KCNK13: variants seen among roughly 807,000 people sequenced by gnomAD.
The protein encoded by KCNK13 is potassium channel subfamily K member 13.
A neutral mutation model predicts 23.4 loss-of-function variants in KCNK13; 12 were observed. The observed-to-expected ratio is 0.51, with a 90% confidence interval of 0.33 to 0.83. The LOEUF is 0.83. Among genes scored for constraint, KCNK13 ranks in the 40% least tolerant of loss-of-function variants. The pLI is 0.02. For synonymous variants in KCNK13, 231 were observed against 229.5 expected, an observed-to-expected ratio of 1.01 and a Z score of -0.06; for missense variants, 463 against 556.3, an observed-to-expected ratio of 0.83 and a Z score of 1.69.
chr14:90,101,874 A>G (rs1367779637), intron 1 of KCNK13, among the ~76,000 whole-genome samples: 1 of 149,388 alleles, frequency 6.7e-6, no homozygotes, highest in Non-Finnish European at 1.5e-5. Context: ...TCCCCCGAAA[A>G]CCTATGGAAA....
chr14:90,155,413 C>A (rs973521399), intron 1 of KCNK13, among the ~76,000 whole-genome samples: 1 of 152,114 alleles, frequency 6.6e-6, no homozygotes, highest in Non-Finnish European at 1.5e-5. Context: ...TTGGTTTTCA[C>A]ACCAGGTGAA....
intron 1 of KCNK13, among the ~76,000 whole-genome samples, chr14:90,086,596 T>G (rs1244111854): frequency 2.0e-5 from 3 of 152,214 alleles, no homozygotes; most frequent in Non-Finnish European, 4.4e-5. Flanking sequence ...TGCAGGCTAT[T>G]GCTTTGAAGA....
At chr14:90,164,938 G>A (rs139214954) in intron 1 of KCNK13, among the ~76,000 whole-genome samples, 113 of 152,104 alleles carry the variant, frequency 7.4e-4, no homozygotes, top group Middle Eastern at 6.8e-3. Flanking sequence ...TGTTCATTTC[G>A]CATACCCCTT....
At chr14:90,084,810 A>C (rs1889253287) in intron 1 of KCNK13, among the ~76,000 whole-genome samples, 1 of 152,140 alleles carries the variant, frequency 6.6e-6, no homozygotes, top group South Asian at 2.1e-4. Context: ...TAGTGTGTTG[A>C]ATGTTTTTAT....
chr14:90,068,268 A>G (rs1445689394), intron 1 of KCNK13, among the ~76,000 whole-genome samples: 1 of 152,096 alleles, frequency 6.6e-6, no homozygotes, highest in Non-Finnish European at 1.5e-5. Context: ...CTTTGTGGCA[A>G]GTTGCAGAAG....
intron 1 of KCNK13, among the ~76,000 whole-genome samples, chr14:90,155,207 A>G (rs1316845467): frequency 6.6e-6 from 1 of 152,146 alleles, no homozygotes; most frequent in Non-Finnish European, 1.5e-5. Flanking sequence ...AAGAGGTGAA[A>G]GGATGAGGCT....
intron 1 of KCNK13, among the ~76,000 whole-genome samples, chr14:90,150,333 G>A (rs1455453455): frequency 6.6e-6 from 1 of 151,906 alleles, no homozygotes; most frequent in Non-Finnish European, 1.5e-5. Flanking sequence ...GTAATATCTG[G>A]GCCAGGTGTA....
intron 1 of KCNK13, among the ~76,000 whole-genome samples, chr14:90,141,620 G>A (rs1009096165): frequency 1.3e-5 from 2 of 152,108 alleles, no homozygotes; most frequent in Admixed American, 6.6e-5. Context: ...ACCACACCTG[G>A]CTAATTTTGG....
intron 1 of KCNK13, among the ~76,000 whole-genome samples, chr14:90,165,146 A>C (rs1890289556): frequency 6.6e-6 from 1 of 152,158 alleles, no homozygotes; most frequent in African/African-American, 2.4e-5. Context: ...TATCACAATA[A>C]CAACCCAGGA....
intron 1 of KCNK13, among the ~76,000 whole-genome samples, chr14:90,095,004 T>C (rs1024166706): frequency 6.6e-6 from 1 of 152,196 alleles, no homozygotes; most frequent in Non-Finnish European, 1.5e-5. Flanking sequence ...TTGTCCCAAA[T>C]TGTTTTTATC....
intron 1 of KCNK13, among the ~76,000 whole-genome samples, chr14:90,130,215 T>TATTTA (rs1555403401): frequency 1.3e-5 from 2 of 151,548 alleles, no homozygotes; most frequent in African/African-American, 2.4e-5. Flanking sequence ...TTTATTTATT[T>TATTTA]TTCAGACAGG....
chr14:90,087,883 C>A (rs1288509757), intron 1 of KCNK13, among the ~76,000 whole-genome samples: 1 of 152,232 alleles, frequency 6.6e-6, no homozygotes, highest in Non-Finnish European at 1.5e-5. Context: ...TAGCCCACCA[C>A]CTACCCTGTG....
At chr14:90,122,191 T>C (rs1189665325) in intron 1 of KCNK13, among the ~76,000 whole-genome samples, 1 of 152,204 alleles carries the variant, frequency 6.6e-6, no homozygotes, top group African/African-American at 2.4e-5. Context: ...CAGTTATATA[T>C]AATGCTATAA....
chr14:90,185,150 C>A lies in KCNK13; in HGVS notation c.*147C>A. The A allele has an allele frequency of 1.5e-6, 1 of 657,234 alleles. No homozygotes were observed. The highest frequency in any genetic ancestry group is 2.4e-6 in the Non-Finnish European group (1 of 415,568). The allele number at this position is 657,234 out of a possible 1,614,324, so 40.7% of individuals were successfully genotyped here. ...GCAAGCATCTTTAGAAATCTGATCT[C>A]GGCTCCAACCAACAGCCACCTTCCA... On this transcript the variant is annotated 3_prime_UTR_variant, in exon 2 of 2. Coordinates refer to ENST00000282146, the MANE Select transcript of KCNK13 (RefSeq NM_022054.4).
Position 90,062,049 on chromosome 14 carries a change from T to A in KCNK13, c.-157T>A. 1 of 439,080 alleles carries A rather than the reference T, an allele frequency of 2.3e-6. No homozygotes were observed. The highest frequency in any genetic ancestry group is 3.8e-6 in the Non-Finnish European group (1 of 263,366). The allele number at this position is 439,080 out of a possible 1,614,324, so 27.2% of individuals were successfully genotyped here. A position where few individuals can be genotyped will look rare whatever the true frequency, so the allele number is the denominator to read the frequency against. Reference sequence around the variant, plus strand: ...TACCGAGGCGGCGGCCGGGGGAGCCTCGCGGCCTGCGGGAGAGCCCGGCGG... The same window carrying A: ...TACCGAGGCGGCGGCCGGGGGAGCCACGCGGCCTGCGGGAGAGCCCGGCGG... On this transcript the variant is annotated 5_prime_UTR_variant, in exon 1 of 2. Transcript: ENST00000282146. The surrounding 1 kb of genome is among the most constrained non-coding windows in gnomAD (Gnocchi z 4.5).
intron 1 of KCNK13, among the ~76,000 whole-genome samples, chr14:90,168,418 T>C (rs1254030825): frequency 6.6e-6 from 1 of 152,004 alleles, no homozygotes; most frequent in Admixed American, 6.6e-5. Flanking sequence ...CCCAGAGATA[T>C]TGTTATCCTT....
At chr14:90,133,257 T>C (rs911134995) in intron 1 of KCNK13, among the ~76,000 whole-genome samples, 9 of 152,178 alleles carry the variant, frequency 5.9e-5, no homozygotes, top group African/African-American at 2.2e-4. Context: ...AAAAACATTA[T>C]GCTGAGTGAA....
intron 1 of KCNK13, among the ~76,000 whole-genome samples, chr14:90,076,246 A>G (rs185000781): frequency 6.6e-6 from 1 of 152,270 alleles, no homozygotes; most frequent in African/African-American, 2.4e-5. Context: ...ATAGAAATTT[A>G]TTTTTCTCAT....
At chr14:90,139,268 T>G (rs1889975147) in intron 1 of KCNK13, among the ~76,000 whole-genome samples, 2 of 152,178 alleles carry the variant, frequency 1.3e-5, no homozygotes, top group South Asian at 4.1e-4. Flanking sequence ...CAGGCTACTC[T>G]TCAGGTGGCC....
Sources: gnomAD v4.1 joint callset for allele counts (sites outside exome capture counted in the v4.1 genomes callset) on GRCh38, gnomAD v4.1.1 for gene constraint, Gnocchi (gnomAD v3.1) non-coding constraint, MANE v1.5 for transcripts, NCBI Gene and HGNC (gene_info 2026-07-23, HGNC 2026-07-21) for gene names.